The following FGF14 variants were observed in gnomAD, a reference collection of about 807,000 sequenced individuals.
FGF14 encodes the protein fibroblast growth factor 14.
In FGF14, 5 loss-of-function variants were observed where a neutral mutation model predicts 25.5. The observed-to-expected ratio is 0.20, with a 90% CI of 0.10 to 0.41. The LOEUF (loss-of-function observed/expected upper bound fraction) is 0.41. FGF14 is among the 10% of genes least tolerant of loss of function. The pLI, the probability that FGF14 is intolerant of heterozygous loss-of-function variation, is 1.00. For missense variants in FGF14, 222 were observed against 320.1 expected, an observed-to-expected ratio of 0.69 and a Z score of 2.34; for synonymous variants, 138 against 118.3, an observed-to-expected ratio of 1.17 and a Z score of -1.08.
intron 1 of FGF14, among the ~76,000 whole-genome samples, chr13:102,154,242 A>C (rs555360931): frequency 2.0e-5 from 3 of 152,246 alleles, no homozygotes; most frequent in South Asian, 2.1e-4. Flanking sequence ...AAATGAAGGA[A>C]AAAATGTTAA....
intron 3 of FGF14, among the ~76,000 whole-genome samples, chr13:101,827,924 T>TAA (rs772144858): frequency 3.4e-5 from 4 of 116,462 alleles, no homozygotes; most frequent in African/African-American, 9.1e-5. Context: ...GGCTAATTTC[T>TAA]AAAAAAAAAA....
At chr13:102,055,045 A>T (rs929223995) in intron 1 of FGF14, among the ~76,000 whole-genome samples, 3 of 152,148 alleles carry the variant, frequency 2.0e-5, no homozygotes, top group African/African-American at 7.2e-5. Flanking sequence ...AAATACAGTT[A>T]TTTCTAACTA....
chr13:101,948,109 T>C (rs947885657), intron 1 of FGF14, among the ~76,000 whole-genome samples: 6 of 152,234 alleles, frequency 3.9e-5, no homozygotes, highest in Non-Finnish European at 7.3e-5. Flanking sequence ...AGTCAAAAGA[T>C]GTTTTCGATA....
chr13:101,990,828 T>C (rs1169654541), intron 1 of FGF14, among the ~76,000 whole-genome samples: 2 of 152,156 alleles, frequency 1.3e-5, no homozygotes, highest in African/African-American at 2.4e-5. Context: ...CTCAATTATG[T>C]TATTCCTGAA....
rs183104837 is a variant in FGF14, at chr13:102,158,968, G to A, written c.208+242503C>T. 1.5e-3 allele frequency among the ~76,000 whole-genome samples: 223 copies of A among 151,552 alleles called. 1 individual carries two copies. Among genetic ancestry groups the A allele is most frequent in the African/African-American group, 4.9e-3 (201 of 41,316 alleles). ...AGCCTGACCAACATGGTGAAACACC[G>A]TCTCTACTAAAAATACAAAAATTAG... On this transcript the variant is annotated intron_variant, in intron 1 of 4. Coordinates refer to the FGF14 transcript ENST00000376131.
chr13:102,179,959 G>T (rs1294957407), intron 1 of FGF14, among the ~76,000 whole-genome samples: 2 of 151,968 alleles, frequency 1.3e-5, no homozygotes, highest in Non-Finnish European at 2.9e-5. Context: ...CTATAAATAT[G>T]ATTACTCCTC....
chr13:102,297,458 T>C (rs1422103425), intron 1 of FGF14, among the ~76,000 whole-genome samples: 2 of 152,130 alleles, frequency 1.3e-5, no homozygotes, highest in African/African-American at 2.4e-5. Context: ...ATTGATTCAT[T>C]AGTAGTTATG....
chr13:101,830,329 G>A (rs1040247631), intron 3 of FGF14, among the ~76,000 whole-genome samples: 27 of 152,026 alleles, frequency 1.8e-4, no homozygotes, highest in African/African-American at 6.3e-4. Flanking sequence ...ATAGAAAGAA[G>A]GAAAAGCACA....
chr13:101,792,924 C>T, intron 3 of FGF14, among the ~76,000 whole-genome samples: 1 of 151,910 alleles, frequency 6.6e-6, no homozygotes, highest in East Asian at 1.9e-4. Flanking sequence ...AAGTACAAAG[C>T]AATGTTATGA....
At chr13:102,249,544 AGAG>A (rs1266707120) in intron 1 of FGF14, among the ~76,000 whole-genome samples, 2 of 105,354 alleles carry the variant, frequency 1.9e-5, no homozygotes, top group African/African-American at 6.6e-5. Flanking sequence ...TATGGTACTG[AGAG>A]GGGTGTGTGT....
At chr13:102,377,499 G>A (rs570318498) in intron 1 of FGF14, among the ~76,000 whole-genome samples, 1 of 152,050 alleles carries the variant, frequency 6.6e-6, no homozygotes, top group South Asian at 2.1e-4. Context: ...AGAAAAGCAG[G>A]TATCTTAATA....
chr13:101,850,653 T>C, intron 3 of FGF14, among the ~76,000 whole-genome samples: 1 of 143,492 alleles, frequency 7.0e-6, no homozygotes, highest in East Asian at 2.0e-4. Context: ...ATACATTCTC[T>C]ATATATTCTA....
intron 1 of FGF14, among the ~76,000 whole-genome samples, chr13:102,207,110 T>C (rs1323511417): frequency 6.6e-6 from 1 of 151,752 alleles, no homozygotes; most frequent in Non-Finnish European, 1.5e-5. Context: ...TGAAACCCCA[T>C]CTCTACTAAA....
At chr13:102,161,633 A>C (rs868200275) in intron 1 of FGF14, among the ~76,000 whole-genome samples, 10 of 8,670 alleles carry the variant, frequency 1.2e-3, no homozygotes, top group Admixed American at 1.5e-3. Context: ...AAGAAGAAGA[A>C]GAAGAAGAAG....
intron 1 of FGF14, among the ~76,000 whole-genome samples, chr13:102,267,409 C>T (rs1188344204): frequency 2.6e-5 from 4 of 151,982 alleles, no homozygotes; most frequent in African/African-American, 7.3e-5. Context: ...AAAATTCTAA[C>T]AGAAAAAATA....
chr13:102,059,734 C>A (rs982513262), intron 1 of FGF14, among the ~76,000 whole-genome samples: 2 of 151,956 alleles, frequency 1.3e-5, no homozygotes, highest in Non-Finnish European at 2.9e-5. Flanking sequence ...GCCTGTAGCC[C>A]CAGCTACTCA....
At chr13:101,779,280 A>AG (rs1410872491) in intron 3 of FGF14, among the ~76,000 whole-genome samples, 18 of 152,266 alleles carry the variant, frequency 1.2e-4, no homozygotes, top group Admixed American at 4.6e-4. Flanking sequence ...AAAAGGCCAG[A>AG]GGTTGTAGCT....
intron 1 of FGF14, among the ~76,000 whole-genome samples, chr13:101,975,498 C>T (rs1320564202): frequency 6.6e-6 from 1 of 152,164 alleles, no homozygotes; most frequent in Non-Finnish European, 1.5e-5. Context: ...CCTCCTCTTC[C>T]TGCCTCGTTA....
chr13:102,143,287 G>A (rs950422684), intron 1 of FGF14, among the ~76,000 whole-genome samples: 1 of 152,002 alleles, frequency 6.6e-6, no homozygotes, highest in African/African-American at 2.4e-5. Flanking sequence ...GGGGTTAGGT[G>A]GGCCACAAAC....
Sources: allele counts gnomAD v4.1 joint callset (sites outside exome capture counted in the v4.1 genomes callset), GRCh38; gene constraint gnomAD v4.1.1; transcripts MANE v1.5; gene names NCBI Gene and HGNC (gene_info 2026-07-23, HGNC 2026-07-21).